The following GNB1L variants were observed in gnomAD, a reference collection of about 807,000 sequenced individuals.
GNB1L encodes guanine nucleotide-binding protein subunit beta-like protein 1.
A neutral mutation model predicts 29.1 loss-of-function variants in GNB1L; 20 were observed. The ratio of observed to expected loss-of-function variants is 0.69; its 90% confidence interval spans 0.48 to 1.00. The LOEUF is 1.00. GNB1L is among the 50% of genes least tolerant of loss of function. The pLI, the probability that GNB1L is intolerant of heterozygous loss-of-function variation, is 0.00. For missense variants in GNB1L, 421 were observed against 464.9 expected (o/e 0.91, Z 0.87); for synonymous variants, 193 against 206.5 (o/e 0.93, Z 0.56).
At position 19,788,640 on chromosome 22, in the gene GNB1L, G is replaced by T; in HGVS notation, c.*69C>A. ...TCCTCAGAGGCCCTTGAGGTTTCAG[G>T]CCAAGGCTGGGGCCTGATGCCCACC... On this transcript the variant is annotated 3_prime_UTR_variant, in exon 8 of 8. Coordinates refer to ENST00000329517, the MANE Select transcript of GNB1L (RefSeq NM_053004.3). The T allele has an allele frequency of 6.3e-7, 1 of 1,599,944 alleles. No homozygotes were observed. The highest frequency in any genetic ancestry group is 8.6e-7 in the Non-Finnish European group (1 of 1,168,130).
intron 6 of GNB1L, 53 bp from the exon 7 acceptor site, chr22:19,802,269 G>C (rs1433770020): frequency 1.4e-6 from 2 of 1,451,392 alleles, no homozygotes; most frequent in East Asian, 4.6e-5. Context: ...ACTCCAGTGA[G>C]TTTCGGGGGA....
chr22:19,803,159 G>A (rs556157053), intron 6 of GNB1L, among the ~76,000 whole-genome samples: 1 of 152,230 alleles, frequency 6.6e-6, no homozygotes, highest in Non-Finnish European at 1.5e-5. Flanking sequence ...CTGACCTGGA[G>A]GGGATGGCCA....
At chr22:19,800,509 A>G (rs1169959396) in intron 7 of GNB1L, among the ~76,000 whole-genome samples, 2 of 152,128 alleles carry the variant, frequency 1.3e-5, no homozygotes, top group African/African-American at 4.8e-5. Flanking sequence ...AGACATGCAG[A>G]CCCAGCACCC....
At chr22:19,815,043 A>G (rs188020298) in intron 4 of GNB1L, among the ~76,000 whole-genome samples, 1 of 152,104 alleles carries the variant, frequency 6.6e-6, no homozygotes, top group East Asian at 1.9e-4. Flanking sequence ...CTCAAAAAAA[A>G]AAAAAAGACC....
At chr22:19,826,350 C>A (rs1192938826) in intron 2 of GNB1L, among the ~76,000 whole-genome samples, 2 of 152,230 alleles carry the variant, frequency 1.3e-5, no homozygotes, top group East Asian at 1.9e-4. Flanking sequence ...CCACCTGCAA[C>A]CCAGGCCTCA....
At chr22:19,800,669 T>C (rs1569040077) in intron 7 of GNB1L, among the ~76,000 whole-genome samples, 1 of 152,198 alleles carries the variant, frequency 6.6e-6, no homozygotes. Flanking sequence ...CTCTGCCGCT[T>C]ACATCAGGGC....
intron 2 of GNB1L, among the ~76,000 whole-genome samples, chr22:19,824,470 C>T (rs1164656690): frequency 6.6e-6 from 1 of 152,256 alleles, no homozygotes; most frequent in Non-Finnish European, 1.5e-5. Flanking sequence ...TCTGCCTGCT[C>T]TTCCAGGTGT....
chr22:19,839,741 G>A lies in GNB1L; in HGVS notation c.-21+14702C>T, dbSNP rs146921988. On this transcript the variant is annotated intron_variant, in intron 2 of 7. Coordinates refer to ENST00000329517, the MANE Select transcript of GNB1L (RefSeq NM_053004.3). Reference sequence around the variant, plus strand: ...TAAAATTACAAAAATTAGCCCAGGCGTGGTGGCAGGTGCCTGTAATCCCAC... The same window carrying A: ...TAAAATTACAAAAATTAGCCCAGGCATGGTGGCAGGTGCCTGTAATCCCAC... Among the ~76,000 whole-genome samples the A allele has an allele frequency of 5.4e-3, 815 of 152,182 alleles. 4 individuals are homozygous for A. Among genetic ancestry groups the A allele is most frequent in the Non-Finnish European group, 9.5e-3 (648 of 68,002 alleles).
At chr22:19,804,518 G>A (rs1208890215) in intron 6 of GNB1L, among the ~76,000 whole-genome samples, 3 of 152,208 alleles carry the variant, frequency 2.0e-5, no homozygotes, top group Admixed American at 2.0e-4. Flanking sequence ...CAGCTGCTTA[G>A]AGGAGCAAAA....
At chr22:19,806,336 C>T (rs1204190824) in intron 6 of GNB1L, among the ~76,000 whole-genome samples, 1 of 152,260 alleles carries the variant, frequency 6.6e-6, no homozygotes, top group Non-Finnish European at 1.5e-5. Flanking sequence ...GAGGCGCTGG[C>T]AGACCCCACT....
chr22:19,847,736 G>A, intron 2 of GNB1L: 8 of 973,232 alleles, frequency 8.2e-6, no homozygotes, highest in Non-Finnish European at 9.7e-6. Context: ...AACAGTATGA[G>A]AAGGTCCACT....
At chr22:19,815,587 C>T (rs576526340) in intron 4 of GNB1L, among the ~76,000 whole-genome samples, 43 of 151,858 alleles carry the variant, frequency 2.8e-4, no homozygotes, top group African/African-American at 9.6e-4. Flanking sequence ...GGAACTTTAA[C>T]ATTTTTTTTC....
At chr22:19,814,726 C>T (rs536515275) in intron 4 of GNB1L, among the ~76,000 whole-genome samples, 1 of 152,130 alleles carries the variant, frequency 6.6e-6, no homozygotes, top group Non-Finnish European at 1.5e-5. Context: ...ACCTGAGGGG[C>T]GTTCTACAAA....
At chr22:19,792,565 C>T (rs545504452) in intron 7 of GNB1L, 18 of 1,586,408 alleles carry the variant, frequency 1.1e-5, no homozygotes, top group Admixed American at 1.7e-5. Flanking sequence ...GACTGCCAAA[C>T]AGCTACTCAG....
intron 2 of GNB1L, chr22:19,852,346 G>C: frequency 7.0e-7 from 1 of 1,432,842 alleles, no homozygotes; most frequent in Non-Finnish European, 9.5e-7. Flanking sequence ...CGACACAACA[G>C]GACAGGGATG....
chr22:19,806,035 T>C (rs1447162465), intron 6 of GNB1L, among the ~76,000 whole-genome samples: 2 of 152,182 alleles, frequency 1.3e-5, no homozygotes, highest in African/African-American at 4.8e-5. Context: ...GAGGAAGCTG[T>C]GCTGCATGGA....
rs374782970 is a variant in GNB1L, at chr22:19,801,981, C to G, written c.732+20G>C. The G allele has an allele frequency of 2.5e-5, 39 of 1,549,740 alleles. No individual in the cohort carries two copies. In the African/African-American group the frequency reaches 5.2e-4, roughly 21 times the overall value. On this transcript the variant is annotated intron_variant, in intron 7 of 7. Transcript: ENST00000329517. ...TAGTGCAGAGCAGGATAAATGAGAC[C>G]CGGGGCCTGGCGCACTGACCTGCAG...
chr22:19,846,360 TTTC>T, intron 2 of GNB1L: 1 of 952,034 alleles, frequency 1.1e-6, no homozygotes, highest in Non-Finnish European at 1.3e-6. Context: ...TAGGGAAAGA[TTTC>T]TTAAGTGAGA....
At chr22:19,811,338 G>A (rs573657245) in intron 5 of GNB1L, among the ~76,000 whole-genome samples, 128 of 152,266 alleles carry the variant, frequency 8.4e-4, no homozygotes, top group African/African-American at 3.0e-3. Context: ...GGGAGGACTC[G>A]GCAGTGGGCA....
Sources: allele counts gnomAD v4.1 joint callset (sites outside exome capture counted in the v4.1 genomes callset), GRCh38; gene constraint gnomAD v4.1.1; transcripts MANE v1.5; gene names NCBI Gene and HGNC (gene_info 2026-07-23, HGNC 2026-07-21).